The following HTR1F variants were observed in gnomAD, a reference collection of about 807,000 sequenced individuals.
HTR1F encodes the protein 5-hydroxytryptamine receptor 1F.
In HTR1F, 17 loss-of-function variants were observed where a neutral mutation model predicts 24.0. That is an observed-to-expected ratio of 0.71 (90% CI 0.48 to 1.06). The LOEUF is 1.06. Among genes scored for constraint, HTR1F ranks in the 50% least tolerant of loss-of-function variants. The pLI is 0.00. For synonymous variants in HTR1F, 186 were observed against 156.8 expected (o/e 1.19, Z -1.39); for missense variants, 391 against 427.8 (o/e 0.91, Z 0.76).
At chr3:87,874,898 T>C (rs1705636001) in intron 2 of HTR1F, among the ~76,000 whole-genome samples, 1 of 152,146 alleles carries the variant, frequency 6.6e-6, no homozygotes, top group Admixed American at 6.5e-5. Context: ...GGTAGTCTCC[T>C]CAACAAATGA....
intron 2 of HTR1F, among the ~76,000 whole-genome samples, chr3:87,894,559 CTTTT>C (rs35190252): frequency 2.7e-5 from 2 of 74,658 alleles, no homozygotes; most frequent in African/African-American, 6.1e-5. Context: ...TGCCCAGCCT[CTTTT>C]TTTTTTTTTT....
At chr3:87,832,039 A>G (rs1321671587) in intron 2 of HTR1F, among the ~76,000 whole-genome samples, 2 of 152,168 alleles carry the variant, frequency 1.3e-5, no homozygotes, top group East Asian at 3.9e-4. Flanking sequence ...TAAATTACTT[A>G]TCACACAGGT....
At chr3:87,869,436 C>CATAG (rs1313420486) in intron 2 of HTR1F, among the ~76,000 whole-genome samples, 75 of 117,150 alleles carry the variant, frequency 6.4e-4, no homozygotes, top group East Asian at 5.4e-3. Flanking sequence ...TAGATAGATA[C>CATAG]ATAGATAGAT....
At chr3:87,935,028 A>G (rs1704377600) in intron 2 of HTR1F, among the ~76,000 whole-genome samples, 1 of 151,994 alleles carries the variant, frequency 6.6e-6, no homozygotes, top group African/African-American at 2.4e-5. Context: ...ACCAGACCCA[A>G]CTAATTTTCT....
At chr3:87,804,986 T>C (rs1704050395) in intron 1 of HTR1F, among the ~76,000 whole-genome samples, 1 of 152,072 alleles carries the variant, frequency 6.6e-6, no homozygotes, top group Admixed American at 6.6e-5. Context: ...GTTATCATAA[T>C]GTTTTTTTCT....
intron 1 of HTR1F, among the ~76,000 whole-genome samples, 82 bp downstream of exon 1, chr3:87,792,924 C>G (rs1324798385): frequency 6.6e-6 from 1 of 152,118 alleles, no homozygotes; most frequent in African/African-American, 2.4e-5. Flanking sequence ...GGTGTGGGGA[C>G]GTGGGGAGTG....
intron 2 of HTR1F, among the ~76,000 whole-genome samples, chr3:87,841,471 T>C (rs1048036694): frequency 3.3e-5 from 5 of 151,878 alleles, no homozygotes; most frequent in African/African-American, 1.2e-4. Flanking sequence ...CTCCCACTAA[T>C]TGTATTAACA....
At chr3:87,971,672 C>T (rs1705288606) in intron 2 of HTR1F, among the ~76,000 whole-genome samples, 2 of 152,324 alleles carry the variant, frequency 1.3e-5, no homozygotes, top group South Asian at 2.1e-4. Flanking sequence ...GAGATAATCA[C>T]AGTTAACCAC....
intron 2 of HTR1F, among the ~76,000 whole-genome samples, chr3:87,862,341 A>G (rs1208574653): frequency 6.6e-6 from 1 of 152,194 alleles, no homozygotes; most frequent in Non-Finnish European, 1.5e-5. Context: ...ACAGCTGAAA[A>G]CAGTTGTCTA....
At chr3:87,893,966 T>C (rs1409250351) in intron 2 of HTR1F, among the ~76,000 whole-genome samples, 1 of 152,172 alleles carries the variant, frequency 6.6e-6, no homozygotes, top group Non-Finnish European at 1.5e-5. Context: ...GTGAGTTGTT[T>C]ACTCATTTTT....
At chr3:87,837,487 G>A (rs1335775847) in intron 2 of HTR1F, among the ~76,000 whole-genome samples, 1 of 152,008 alleles carries the variant, frequency 6.6e-6, no homozygotes, top group Non-Finnish European at 1.5e-5. Flanking sequence ...CAATCCGGAA[G>A]CTGAATATGT....
intron 2 of HTR1F, among the ~76,000 whole-genome samples, chr3:87,950,597 A>G (rs982218603): frequency 1.6e-4 from 24 of 152,080 alleles, no homozygotes; most frequent in African/African-American, 5.8e-4. Context: ...AATTATTTCT[A>G]AATATATTGA....
chr3:87,954,977 T>C (rs1704913069), intron 2 of HTR1F, among the ~76,000 whole-genome samples: 1 of 151,400 alleles, frequency 6.6e-6, no homozygotes. Context: ...TTGGAGAATG[T>C]TCTGGACTGT....
intron 2 of HTR1F, among the ~76,000 whole-genome samples, chr3:87,829,882 G>A (rs1447819820): frequency 6.6e-6 from 1 of 152,104 alleles, no homozygotes; most frequent in Non-Finnish European, 1.5e-5. Flanking sequence ...CTCAATTAGA[G>A]CCAGTAATTA....
chr3:87,988,828 C>T (rs1705739168), intron 2 of HTR1F, among the ~76,000 whole-genome samples: 1 of 152,132 alleles, frequency 6.6e-6, no homozygotes, highest in South Asian at 2.1e-4. Context: ...ATCCCCCTGC[C>T]TCAGCCTCCC....
intron 2 of HTR1F, among the ~76,000 whole-genome samples, chr3:87,886,575 T>C (rs1483228602): frequency 6.6e-6 from 1 of 152,184 alleles, no homozygotes; most frequent in East Asian, 1.9e-4. Context: ...ATGACATGAC[T>C]GTATATTTAG....
At chr3:87,809,628 T>C (rs1256159769) in intron 1 of HTR1F, among the ~76,000 whole-genome samples, 1 of 152,030 alleles carries the variant, frequency 6.6e-6, no homozygotes, top group Admixed American at 6.6e-5. Context: ...CAGCATTCCA[T>C]ATTCTTATGT....
intron 2 of HTR1F, among the ~76,000 whole-genome samples, chr3:87,967,789 T>G (rs566726487): frequency 3.3e-5 from 5 of 152,304 alleles, no homozygotes; most frequent in African/African-American, 1.2e-4. Context: ...AACCTCTTTT[T>G]CTTTATAAAT....
chr3:87,827,668 G>C (rs1486720626), intron 2 of HTR1F, among the ~76,000 whole-genome samples: 1 of 152,144 alleles, frequency 6.6e-6, no homozygotes, highest in Non-Finnish European at 1.5e-5. Flanking sequence ...GAATTGGAAA[G>C]CAATGAAGCA....
Sources: allele counts gnomAD v4.1 joint callset (sites outside exome capture counted in the v4.1 genomes callset), GRCh38; gene constraint gnomAD v4.1.1; transcripts MANE v1.5; gene names NCBI Gene and HGNC (gene_info 2026-07-23, HGNC 2026-07-21).